Variants in GAP43 observed in about 807,000 individuals in gnomAD.
GAP43 encodes the protein neuromodulin.
Under a neutral mutation model 18.6 loss-of-function variants are expected in GAP43, and 6 were observed. The ratio of observed to expected loss-of-function variants is 0.32; its 90% CI spans 0.18 to 0.64. GAP43 has a LOEUF of 0.64. GAP43 is among the 30% of genes least tolerant of loss of function. GAP43 has a pLI of 0.78. For synonymous variants in GAP43, 115 were observed against 111.4 expected (o/e 1.03, Z -0.20); for missense variants, 292 against 295.5 (o/e 0.99, Z 0.09).
At chr3:115,685,796 A>G (rs1416407265) in intron 2 of GAP43, among the ~76,000 whole-genome samples, 2 of 152,238 alleles carry the variant, frequency 1.3e-5, no homozygotes, top group Non-Finnish European at 2.9e-5. Flanking sequence ...AAGGAAAACC[A>G]GCGGTGGAAG....
chr3:115,650,553 C>G (rs1307248809), intron 1 of GAP43, among the ~76,000 whole-genome samples: 2 of 152,030 alleles, frequency 1.3e-5, no homozygotes, highest in African/African-American at 4.8e-5. Flanking sequence ...TCCTTCTCCC[C>G]ATTCCCACTT....
intron 1 of GAP43, among the ~76,000 whole-genome samples, chr3:115,643,561 G>C (rs1356539701): frequency 6.6e-6 from 1 of 152,022 alleles, no homozygotes; most frequent in Non-Finnish European, 1.5e-5. Flanking sequence ...TGCACTCACT[G>C]TTCTGTCTGC....
chr3:115,629,207 G>A (rs1252102531), intron 1 of GAP43, among the ~76,000 whole-genome samples: 3 of 152,072 alleles, frequency 2.0e-5, no homozygotes, highest in Non-Finnish European at 2.9e-5. Flanking sequence ...TACTCATCTG[G>A]ACAAAAGCAG....
chr3:115,639,254 C>A (rs1708368013), intron 1 of GAP43, among the ~76,000 whole-genome samples: 1 of 152,116 alleles, frequency 6.6e-6, no homozygotes. Flanking sequence ...CAAGTGATAC[C>A]AGCTGGTTGC....
intron 1 of GAP43, among the ~76,000 whole-genome samples, chr3:115,629,687 T>C (rs1458599860): frequency 6.6e-6 from 1 of 152,220 alleles, no homozygotes; most frequent in African/African-American, 2.4e-5. Context: ...TGTGAGCTTC[T>C]TGGGGAAAAG....
At chr3:115,703,208 CA>C (rs1218151141) in intron 2 of GAP43, among the ~76,000 whole-genome samples, 1 of 151,954 alleles carries the variant, frequency 6.6e-6, no homozygotes, top group Non-Finnish European at 1.5e-5. Context: ...ATTCAGTTCA[CA>C]GAGAAATAAG....
At chr3:115,656,728 T>C (rs918029121) in intron 1 of GAP43, among the ~76,000 whole-genome samples, 1 of 152,204 alleles carries the variant, frequency 6.6e-6, no homozygotes, top group Non-Finnish European at 1.5e-5. Flanking sequence ...AAAAAATGGA[T>C]TGTATTTCAA....
chr3:115,674,774 CA>C (rs1296613691), intron 1 of GAP43, among the ~76,000 whole-genome samples: 2 of 152,078 alleles, frequency 1.3e-5, no homozygotes, highest in Admixed American at 1.3e-4. Context: ...ATTTTGTGAC[CA>C]GCATTGTTAA....
At chr3:115,706,932 T>A (rs1709371895) in intron 2 of GAP43, among the ~76,000 whole-genome samples, 2 of 152,216 alleles carry the variant, frequency 1.3e-5, no homozygotes, top group Admixed American at 1.3e-4. Flanking sequence ...AAATGTTTAT[T>A]GTCATTTAAT....
intron 2 of GAP43, among the ~76,000 whole-genome samples, chr3:115,683,131 G>T (rs1165684838): frequency 1.0e-5 from 1 of 97,420 alleles, no homozygotes; most frequent in South Asian, 3.2e-4. Context: ...ATGTGCGCGC[G>T]CGTGCGCGCG....
At position 115,695,973 on chromosome 3, in the gene GAP43, T is replaced by C. The variant is rs557217759; in HGVS notation, c.628+19363T>C. Among the ~76,000 whole-genome samples the C allele has an allele frequency of 3.3e-5, 5 of 152,278 alleles. No homozygotes were observed. In the East Asian group the frequency reaches 9.6e-4, roughly 29 times the overall value. On this transcript the variant is annotated intron_variant, in intron 2 of 2. Coordinates refer to ENST00000305124, the MANE Select transcript of GAP43 (RefSeq NM_002045.4). ...CCCATTCAGTTTCATTTGCCCTTCC[T>C]TCTTTATTTCCCTGATTTGAAATGT... is the stretch of plus-strand genomic sequence containing the variant.
intron 1 of GAP43, among the ~76,000 whole-genome samples, chr3:115,624,879 C>G (rs1708166223): frequency 8.0e-6 from 1 of 124,878 alleles, no homozygotes; most frequent in Non-Finnish European, 1.6e-5. Context: ...TGAGTGTGTG[C>G]GTATGCTTGA....
At chr3:115,716,347 CAG>C (rs2107379762) in intron 2 of GAP43, among the ~76,000 whole-genome samples, 1 of 152,226 alleles carries the variant, frequency 6.6e-6, no homozygotes, top group South Asian at 2.1e-4. Flanking sequence ...TCTGCTTTGT[CAG>C]AGGTTAAAAC....
chr3:115,675,447 G>A (rs1012377643), intron 1 of GAP43, among the ~76,000 whole-genome samples: 2 of 152,080 alleles, frequency 1.3e-5, no homozygotes, highest in African/African-American at 4.8e-5. Flanking sequence ...ACATTGAGCC[G>A]GGGAAAGAAA....
At chr3:115,635,740 T>TGTGAGC (rs1213347833) in intron 1 of GAP43, among the ~76,000 whole-genome samples, 1 of 150,878 alleles carries the variant, frequency 6.6e-6, no homozygotes, top group Non-Finnish European at 1.5e-5. Context: ...AAAAAATAAG[T>TGTGAGC]GTGAGCACTA....
intron 2 of GAP43, among the ~76,000 whole-genome samples, chr3:115,709,659 T>A (rs1432973137): frequency 6.6e-6 from 1 of 152,096 alleles, no homozygotes; most frequent in Non-Finnish European, 1.5e-5. Flanking sequence ...ATGAACCAAA[T>A]CATAAAGCAC....
intron 1 of GAP43, among the ~76,000 whole-genome samples, chr3:115,646,726 G>A (rs1272245186): frequency 6.6e-6 from 1 of 151,948 alleles, no homozygotes; most frequent in Non-Finnish European, 1.5e-5. Context: ...TTATGGAGAA[G>A]ACATAATTAG....
intron 1 of GAP43, among the ~76,000 whole-genome samples, chr3:115,666,565 A>T (rs967088186): frequency 1.3e-5 from 2 of 152,180 alleles, no homozygotes; most frequent in African/African-American, 4.8e-5. Flanking sequence ...ACAAAGTGTC[A>T]GGGACTGTGC....
chr3:115,692,266 A>C (rs1213202296), intron 2 of GAP43, among the ~76,000 whole-genome samples: 1 of 152,210 alleles, frequency 6.6e-6, no homozygotes, highest in East Asian at 1.9e-4. Flanking sequence ...TGGTCCCACA[A>C]TGAGTTAGCA....
Sources: allele counts gnomAD v4.1 joint callset (sites outside exome capture counted in the v4.1 genomes callset), GRCh38; gene constraint gnomAD v4.1.1; transcripts MANE v1.5; gene names NCBI Gene and HGNC (gene_info 2026-07-23, HGNC 2026-07-21).